The following PARD3B variants were observed in gnomAD, a reference collection of about 807,000 sequenced individuals.
PARD3B encodes par-3 family cell polarity regulator beta, also known as partitioning defective 3 homolog B.
A neutral mutation model predicts 130.2 loss-of-function variants in PARD3B; 103 were observed. The ratio of observed to expected loss-of-function variants is 0.79; its 90% CI spans 0.67 to 0.93. PARD3B has a LOEUF of 0.93. PARD3B is among the 40% of genes least tolerant of loss of function. PARD3B has a pLI of 0.00. For missense variants in PARD3B, 1,609 were observed against 1,499.2 expected (o/e 1.07, Z -1.21); for synonymous variants, 583 against 553.2 (o/e 1.05, Z -0.76).
chr2:204,566,751 T>A (rs2031695304), intron 1 of PARD3B, among the ~76,000 whole-genome samples: 1 of 152,322 alleles, frequency 6.6e-6, no homozygotes, highest in South Asian at 2.1e-4. Flanking sequence ...TTGTTTTGAT[T>A]TTTTTTCTTA....
At chr2:204,653,993 T>TGA (rs1309925262) in intron 1 of PARD3B, among the ~76,000 whole-genome samples, 1 of 151,096 alleles carries the variant, frequency 6.6e-6, no homozygotes, top group Non-Finnish European at 1.5e-5. Context: ...TGCAATCATA[T>TGA]GAGAGTCTCC....
chr2:205,543,330 T>G (rs991453296), intron 21 of PARD3B, among the ~76,000 whole-genome samples: 1 of 152,176 alleles, frequency 6.6e-6, no homozygotes, highest in Non-Finnish European at 1.5e-5. Flanking sequence ...AATTAGAATA[T>G]ATACAAATAT....
chr2:205,167,263 A>C (rs13422432), intron 11 of PARD3B, among the ~76,000 whole-genome samples: 26 of 152,134 alleles, frequency 1.7e-4, no homozygotes, highest in African/African-American at 5.1e-4. Flanking sequence ...ATCATAAATA[A>C]GCTTTAGAGG....
intron 20 of PARD3B, among the ~76,000 whole-genome samples, chr2:205,456,120 G>C (rs2048265693): frequency 6.6e-6 from 1 of 152,066 alleles, no homozygotes; most frequent in Non-Finnish European, 1.5e-5. Flanking sequence ...GGTATCACTA[G>C]TTCATTTCTT....
At chr2:204,621,608 TAAAG>T (rs1187645427) in intron 1 of PARD3B, among the ~76,000 whole-genome samples, 1 of 152,208 alleles carries the variant, frequency 6.6e-6, no homozygotes, top group African/African-American at 2.4e-5. Context: ...TTCTTATAAA[TAAAG>T]CGGTATATTT....
chr2:204,956,267 A>G (rs922872013), intron 2 of PARD3B, among the ~76,000 whole-genome samples: 6 of 152,226 alleles, frequency 3.9e-5, no homozygotes, highest in African/African-American at 1.4e-4. Flanking sequence ...AGACGATTCT[A>G]TCTTTGCTTT....
intron 2 of PARD3B, among the ~76,000 whole-genome samples, chr2:204,722,824 G>C (rs1028051409): frequency 3.3e-5 from 5 of 152,086 alleles, no homozygotes; most frequent in African/African-American, 1.2e-4. Context: ...GCAGCTCCCT[G>C]GTTATTTGAA....
intron 2 of PARD3B, among the ~76,000 whole-genome samples, chr2:204,797,004 G>A (rs552667879): frequency 9.9e-5 from 15 of 151,764 alleles, no homozygotes; most frequent in Admixed American, 5.9e-4. Context: ...GTGAAACCTC[G>A]CCTCTACTAA....
At chr2:205,082,438 T>G (rs1701474937) in intron 4 of PARD3B, among the ~76,000 whole-genome samples, 1 of 152,358 alleles carries the variant, frequency 6.6e-6, no homozygotes, top group South Asian at 2.1e-4. Context: ...GTGTGTTTGC[T>G]TTCATGCTTG....
chr2:205,505,226 A>T (rs998877134), intron 21 of PARD3B, among the ~76,000 whole-genome samples: 2 of 143,302 alleles, frequency 1.4e-5, no homozygotes, highest in African/African-American at 2.6e-5. Context: ...AACATGACAC[A>T]CTGGGGCCTG....
intron 4 of PARD3B, chr2:205,103,873 G>A (rs1411935216): frequency 3.5e-5 from 12 of 345,466 alleles, no homozygotes; most frequent in Non-Finnish European, 4.9e-5. Context: ...AAATTAAATA[G>A]GCAATTTGAA....
chr2:205,041,057 TGA>T (rs1698363755), intron 3 of PARD3B, among the ~76,000 whole-genome samples: 1 of 152,240 alleles, frequency 6.6e-6, no homozygotes, highest in African/African-American at 2.4e-5. Context: ...CTGAAAATTC[TGA>T]GAGAGTATGA....
chr2:205,447,887 C>T (rs1232804531), intron 20 of PARD3B, among the ~76,000 whole-genome samples: 1 of 152,216 alleles, frequency 6.6e-6, no homozygotes, highest in African/African-American at 2.4e-5. Flanking sequence ...CAAACACTGT[C>T]TCCGTGTAGC....
At chr2:205,270,578 A>G (rs2040685113) in intron 16 of PARD3B, among the ~76,000 whole-genome samples, 1 of 151,676 alleles carries the variant, frequency 6.6e-6, no homozygotes. Context: ...AAAAAAAAAC[A>G]AAAAGAAAGA....
chr2:204,778,101 T>C (rs13410955), intron 2 of PARD3B, among the ~76,000 whole-genome samples: 4,463 of 149,512 alleles, frequency 0.03, 85 homozygotes, highest in Middle Eastern at 0.048. Flanking sequence ...CAATCTTGGG[T>C]AGTATCTTTA....
chr2:205,167,369 T>G (rs1174104311), intron 11 of PARD3B, among the ~76,000 whole-genome samples: 1 of 150,202 alleles, frequency 6.7e-6, no homozygotes, highest in Non-Finnish European at 1.5e-5. Flanking sequence ...GGTGTAAATA[T>G]TTTTTTTTTC....
rs531332346 is a variant in PARD3B at position 204,794,270 on chromosome 2, G to A, written c.222+107988G>A. 7.9e-5 allele frequency among the ~76,000 whole-genome samples: 12 copies of A among 152,226 alleles called. No individual in the cohort carries two copies. The South Asian group carries it at 1.2e-3, about 16-fold the overall frequency. Reference sequence around the variant, plus strand: ...TATAAATTTCATGTAATGAAAATACGTTGTTACCTCAAGGAAAAATGAATT... The same window carrying A: ...TATAAATTTCATGTAATGAAAATACATTGTTACCTCAAGGAAAAATGAATT... On this transcript the variant is annotated intron_variant, in intron 2 of 22. Transcript: ENST00000406610.
chr2:204,779,133 C>T (rs1465107765), intron 2 of PARD3B, among the ~76,000 whole-genome samples: 1 of 152,100 alleles, frequency 6.6e-6, no homozygotes, highest in African/African-American at 2.4e-5. Context: ...GTCAACTTCT[C>T]CTCCCCCTCA....
chr2:205,153,056 C>G (rs1350037026), intron 10 of PARD3B, among the ~76,000 whole-genome samples: 1 of 152,180 alleles, frequency 6.6e-6, no homozygotes, highest in Admixed American at 6.5e-5. Context: ...TGGTCCACTC[C>G]AGACCCTGTT....
Sources: gnomAD v4.1 joint callset for allele counts (sites outside exome capture counted in the v4.1 genomes callset) on GRCh38, gnomAD v4.1.1 for gene constraint, MANE v1.5 for transcripts, NCBI Gene and HGNC (gene_info 2026-07-23, HGNC 2026-07-21) for gene names.